The following FREM2 variants were observed in gnomAD, a reference collection of about 807,000 sequenced individuals.
FREM2 encodes the protein FRAS1 related extracellular matrix 2, also known as FRAS1-related extracellular matrix protein 2.
A neutral mutation model predicts 219.9 loss-of-function variants in FREM2; 119 were observed. That is an observed-to-expected ratio of 0.54 (90% CI 0.47 to 0.63). FREM2 has a LOEUF of 0.63. Ranked by LOEUF, FREM2 falls within the 30% of genes least tolerant of loss-of-function variation. The pLI is 0.00. For missense variants in FREM2, 4,030 were observed against 3,993.6 expected (o/e 1.01, Z -0.25); for synonymous variants, 1,562 against 1,522.8 (o/e 1.03, Z -0.60).
At chr13:38,856,045 TAAA>T (rs34182165) in intron 11 of FREM2, 78 bp from the exon 12 acceptor site, 29,536 of 574,842 alleles carry the variant, frequency 0.051, 3 homozygotes, top group Admixed American at 0.064. Context: ...TAGGCCACAG[TAAA>T]AAAAAAAAAA....
intron 6 of FREM2, among the ~76,000 whole-genome samples, chr13:38,805,236 G>C (rs533720921): frequency 6.6e-6 from 1 of 150,960 alleles, no homozygotes; most frequent in Non-Finnish European, 1.5e-5. Context: ...TACGTGAAAA[G>C]AAATGTAGGG....
At chr13:38,788,376 G>T (rs1874416839) in intron 6 of FREM2, among the ~76,000 whole-genome samples, 4 of 152,046 alleles carry the variant, frequency 2.6e-5, no homozygotes. Context: ...AGTTTGGGAT[G>T]GTTTATCTAT....
At chr13:38,744,447 A>T (rs1593379641) in intron 2 of FREM2, among the ~76,000 whole-genome samples, 2 of 150,096 alleles carry the variant, frequency 1.3e-5, no homozygotes, top group African/African-American at 4.9e-5. Flanking sequence ...TCTTTTAATG[A>T]CTCCAACTTG....
intron 2 of FREM2, among the ~76,000 whole-genome samples, chr13:38,722,611 G>A (rs1055797172): frequency 1.6e-4 from 24 of 152,042 alleles, no homozygotes; most frequent in African/African-American, 5.3e-4. Flanking sequence ...ACCCCAGAGT[G>A]TCTAATTCAG....
intron 4 of FREM2, among the ~76,000 whole-genome samples, chr13:38,771,660 GT>G (rs939495578): frequency 3.3e-5 from 5 of 152,018 alleles, no homozygotes; most frequent in African/African-American, 1.2e-4. Context: ...AATCTAAGTT[GT>G]TTCAGAATTT....
In FREM2 at chr13:38,776,884, AC is replaced by A. The variant is rs370308958; in HGVS notation, c.5642-6183del. Among the ~76,000 whole-genome samples the A allele has an allele frequency of 3.2e-3, 494 of 152,032 alleles. 2 individuals are homozygous for A. Among genetic ancestry groups the A allele is most frequent in the African/African-American group, 0.011 (475 of 41,504 alleles). On this transcript the variant is annotated intron_variant, in intron 4 of 23. Transcript: ENST00000280481. ...ACCATTGTTAACATTTGAGAGCACG[AC>A]CCTGCAGTCATTTTTTTTCTATGAG...
At chr13:38,764,829 C>T (rs1238814059) in intron 3 of FREM2, among the ~76,000 whole-genome samples, 1 of 152,198 alleles carries the variant, frequency 6.6e-6, no homozygotes, top group East Asian at 1.9e-4. Context: ...TAATGATTTT[C>T]TTCTGCTTTA....
chr13:38,859,389 C>T lies in FREM2; in HGVS notation c.7318C>T (p.Pro2440Ser), dbSNP rs1877675826. 6.2e-7 allele frequency: 1 copy of T among 1,614,052 alleles called. No homozygotes were observed. Among genetic ancestry groups the T allele is most frequent in the African/African-American group, 1.3e-5 (1 of 74,914 alleles). The change falls in exon 14 of 24, where the codon CCT (proline) becomes TCT (serine). Residue 2440 changes from proline to serine, a missense_variant. Around this residue, in one of 2 missense-constraint regions of FREM2, gnomAD observed 928 missense variants for 1,042.9 expected, o/e 0.89. Transcript: ENST00000280481. ...LTRYRWLISAPAGPDGVTSPM... is the reference protein window; with the variant it reads ...LTRYRWLISASAGPDGVTSPM... ...GCGGTACCGGTGGCTGATTAGTGCA[C>T]CTGCGGGCCCTGACGGTGTGACCAG...
chr13:38,836,221 T>C (rs1370610383), intron 6 of FREM2, among the ~76,000 whole-genome samples: 1 of 152,242 alleles, frequency 6.6e-6, no homozygotes, highest in Non-Finnish European at 1.5e-5. Context: ...TGTCATTGGT[T>C]CTGTTTATGT....
At chr13:38,874,611 C>T in intron 18 of FREM2, 25 bp downstream of exon 18, 2 of 1,555,526 alleles carry the variant, frequency 1.3e-6, no homozygotes, top group Non-Finnish European at 1.8e-6. Context: ...CTTTTAACAA[C>T]CACTCCTCAC....
chr13:38,813,483 TC>T (rs1566151360), intron 6 of FREM2, among the ~76,000 whole-genome samples: 31 of 12,552 alleles, frequency 2.5e-3, no homozygotes, highest in African/African-American at 7.4e-3. Flanking sequence ...TCTCTCTCTC[TC>T]TCTCTCTCTC....
intron 6 of FREM2, among the ~76,000 whole-genome samples, chr13:38,831,106 G>A (rs567204743): frequency 2.6e-5 from 4 of 152,108 alleles, no homozygotes; most frequent in Non-Finnish European, 5.9e-5. Flanking sequence ...TCACTGAGTC[G>A]AGAAATCAAT....
At chr13:38,853,797 A>G (rs1877462677) in intron 11 of FREM2, among the ~76,000 whole-genome samples, 1 of 152,238 alleles carries the variant, frequency 6.6e-6, no homozygotes, top group Admixed American at 6.5e-5. Flanking sequence ...ATTATAAAAT[A>G]TTAAATGTCT....
chr13:38,815,951 G>A (rs574893320), intron 6 of FREM2, among the ~76,000 whole-genome samples: 19 of 152,134 alleles, frequency 1.2e-4, no homozygotes, highest in Admixed American at 9.2e-4. Context: ...GATTTGGTGG[G>A]GACAAACAAA....
At chr13:38,764,175 C>T in intron 2 of FREM2, 129 bp from the exon 3 acceptor site, 2 of 695,268 alleles carry the variant, frequency 2.9e-6, no homozygotes, top group Non-Finnish European at 5.2e-6. Flanking sequence ...GTACATATTC[C>T]AGAGTTGTGT....
At chr13:38,742,197 A>G (rs978447662) in intron 2 of FREM2, among the ~76,000 whole-genome samples, 2 of 152,246 alleles carry the variant, frequency 1.3e-5, no homozygotes, top group African/African-American at 4.8e-5. Context: ...TTTAAAGAAC[A>G]ATTTAGAATA....
intron 2 of FREM2, among the ~76,000 whole-genome samples, chr13:38,732,505 G>A (rs1285238633): frequency 1.3e-5 from 2 of 152,182 alleles, no homozygotes; most frequent in Non-Finnish European, 2.9e-5. Flanking sequence ...CTCTTGTTCT[G>A]TGTAGGTTTT....
chr13:38,689,239 AG>A lies in FREM2; in HGVS notation c.1900del (p.Ala634HisfsTer7). 1 of 1,614,040 alleles carries A rather than the reference AG, an allele frequency of 6.2e-7. No homozygotes were observed. Among genetic ancestry groups the A allele is most frequent in the Non-Finnish European group, 8.5e-7 (1 of 1,180,002 alleles). On this transcript the variant is annotated frameshift_variant, in exon 1 of 24. Transcript: ENST00000280481. LOFTEE classifies it high-confidence loss of function. ...QELLRGLWRKEGAFYERTVTE... is the reference protein window; with the variant it reads ...QELLRGLWRKXGAFYERTVTE... ...CTTCTCAGAGGCCTTTGGAGGAAGGAGGGGGCATTTTATGAGCGAACAGTGA... is the reference window on the plus strand; with the variant it reads ...CTTCTCAGAGGCCTTTGGAGGAAGGAGGGGCATTTTATGAGCGAACAGTGA...
At chr13:38,752,118 G>T (rs9576611) in intron 2 of FREM2, among the ~76,000 whole-genome samples, 1 of 152,056 alleles carries the variant, frequency 6.6e-6, no homozygotes, top group Non-Finnish European at 1.5e-5. Flanking sequence ...TGAAAAACAA[G>T]TGTATGACAT....
Sources: gnomAD v4.1 joint callset for allele counts (sites outside exome capture counted in the v4.1 genomes callset) on GRCh38, gnomAD v4.1.1 for gene constraint, gnomAD v4.1.1 regional missense constraint, MANE v1.5 for transcripts, NCBI Gene and HGNC (gene_info 2026-07-23, HGNC 2026-07-21) for gene names.